The following YBX3 variants were observed in gnomAD, a reference collection of about 807,000 sequenced individuals.
YBX3 encodes Y-box-binding protein 3.
YBX3 carries 29 observed loss-of-function variants against 42.4 expected under a neutral mutation model. The ratio of observed to expected loss-of-function variants is 0.68; its 90% CI spans 0.51 to 0.93. The LOEUF (loss-of-function observed/expected upper bound fraction) is 0.93, where lower values mean the gene tolerates loss of function less well. YBX3 is among the 40% of genes least tolerant of loss of function. The pLI, the probability that YBX3 is intolerant of heterozygous loss-of-function variation, is 0.00. For synonymous variants in YBX3, 195 were observed against 189.8 expected (o/e 1.03, Z -0.22); for missense variants, 517 against 527.5 (o/e 0.98, Z 0.19).
chr12:10,713,118 G>A, intron 5 of YBX3, 93 bp downstream of exon 5: 2 of 1,362,160 alleles, frequency 1.5e-6, no homozygotes, highest in Non-Finnish European at 1.9e-6. Flanking sequence ...GTCTCCAGGA[G>A]AAGACAAGGC....
At chr12:10,705,329 G>GT (rs1565586567) in intron 6 of YBX3, among the ~76,000 whole-genome samples, 4 of 152,130 alleles carry the variant, frequency 2.6e-5, no homozygotes, top group Admixed American at 1.3e-4. Flanking sequence ...TCTTGACCTC[G>GT]TGATCTACCC....
At chr12:10,709,555 C>T (rs1948174529) in intron 6 of YBX3, among the ~76,000 whole-genome samples, 1 of 152,208 alleles carries the variant, frequency 6.6e-6, no homozygotes, top group African/African-American at 2.4e-5. Flanking sequence ...TTTCTCAAAA[C>T]CTCACAAATA....
At chr12:10,711,882 T>G (rs1020020443) in intron 5 of YBX3, 2 of 152,214 alleles carry the variant, frequency 1.3e-5, no homozygotes, top group African/African-American at 4.8e-5. Flanking sequence ...TGCTTTTGAA[T>G]TAACCTGGGA....
chr12:10,704,968 A>G (rs1333539364), intron 6 of YBX3, among the ~76,000 whole-genome samples: 1 of 152,260 alleles, frequency 6.6e-6, no homozygotes, highest in East Asian at 1.9e-4. Context: ...AAGTTACAGA[A>G]AAGTTAAATG....
At chr12:10,715,323 T>C (rs1948248152) in intron 4 of YBX3, among the ~76,000 whole-genome samples, 1 of 151,778 alleles carries the variant, frequency 6.6e-6, no homozygotes, top group Non-Finnish European at 1.5e-5. Context: ...CACAGGTGGA[T>C]CACCTAAGGT....
At position 10,713,246 on chromosome 12, in the gene YBX3, C is replaced by T. The variant is rs1352823015; in HGVS notation, c.538G>A (p.Gly180Ser). The T allele has an allele frequency of 1.2e-6, 2 of 1,613,844 alleles. No homozygotes were observed. The highest frequency in any genetic ancestry group is 2.7e-5 in the African/African-American group (2 of 74,872). ...GGGCCACGGCGCCTTCCATAGTAGC[C>T]ACGTCTGTAACGGCGCCGATCTGCA... ...YAADRRRYRRGYYGRRRGPPR... is the reference protein window; with the variant it reads ...YAADRRRYRRSYYGRRRGPPR... Residue 180 changes from glycine (G) to serine (S), a missense_variant, in exon 5 of 10, where the codon GGC (glycine) becomes AGC (serine). This residue lies in a region of YBX3 where 420 missense variants were observed against 408.5 expected (regional missense o/e 1.03). Transcript: ENST00000228251.
Position 10,701,239 on chromosome 12 carries a change from T to G in YBX3, c.*34+15A>C. The G allele has an allele frequency of 1.3e-6, 1 of 771,916 alleles. No homozygotes were observed. The highest frequency in any genetic ancestry group is 2.4e-6 in the Non-Finnish European group (1 of 416,024). The allele number at this position is 771,916 out of a possible 1,614,324, so 47.8% of individuals were successfully genotyped here. ...AGAAAATACCAACTCAAGACTGGGC[T>G]GCCCCAGCTCTTACCTGCCGATGGT... is the stretch of plus-strand genomic sequence containing the variant. On this transcript the variant is annotated intron_variant, in intron 9 of 9. Coordinates refer to ENST00000228251, the MANE Select transcript of YBX3 (RefSeq NM_003651.5).
chr12:10,703,818 A>T (rs1948107365), intron 7 of YBX3: 5 of 480,962 alleles, frequency 1.0e-5, no homozygotes, highest in Non-Finnish European at 1.9e-5. Flanking sequence ...ATTAATTTAC[A>T]TCTTATTATA....
Position 10,704,123 on chromosome 12 carries a change from TC to T in YBX3, c.805del (p.Asp269MetfsTer119). ...AAGTTGTGCTCCCTCTGGGACTCCA[TC>T]CTTCATCTCTCCAATCTCACCAGCC... ...IQAGEIGEMK[D>X]GVPEGAQLQG... On this transcript the variant is annotated frameshift_variant, in exon 7 of 10. Transcript: ENST00000228251. LOFTEE classifies it high-confidence loss of function. The T allele has an allele frequency of 6.2e-7, 1 of 1,614,192 alleles. No individual in the cohort carries two copies. Among genetic ancestry groups the T allele is most frequent in the Non-Finnish European group, 8.5e-7 (1 of 1,180,018 alleles).
chr12:10,723,119 C>T lies in YBX3; in HGVS notation c.-8G>A. ...CTCGCCCGCCTCACTCATGCCTCCT[C>T]CTCCTCTGCTCTCGCTCAGGCGCCT... On this transcript the variant is annotated 5_prime_UTR_variant, in exon 1 of 10. Coordinates refer to ENST00000228251, the MANE Select transcript of YBX3 (RefSeq NM_003651.5). 8.3e-7 allele frequency: 1 copy of T among 1,202,774 alleles called. No individual in the cohort carries two copies. The allele number at this position is 1,202,774 out of a possible 1,614,324, so 74.5% of individuals were successfully genotyped here.
intron 3 of YBX3, among the ~76,000 whole-genome samples, chr12:10,717,409 C>G (rs1948274962): frequency 6.6e-6 from 1 of 152,152 alleles, no homozygotes; most frequent in African/African-American, 2.4e-5. Flanking sequence ...CTTCTCTTAA[C>G]CTATTTTATA....
At chr12:10,718,315 T>TCCACATTG (rs1948286372) in intron 2 of YBX3, 194 bp from the exon 3 acceptor site, 1 of 503,350 alleles carries the variant, frequency 2.0e-6, no homozygotes, top group Non-Finnish European at 3.5e-6. Flanking sequence ...ACCTTCCTCC[T>TCCACATTG]CCACATTGCC....
At position 10,723,029 on chromosome 12, in the gene YBX3, T is replaced by G; in HGVS notation, c.83A>C (p.Gln28Pro). 8.3e-7 allele frequency: 1 copy of G among 1,204,344 alleles called. No homozygotes were observed. The highest frequency in any genetic ancestry group is 4.1e-5 in the South Asian group (1 of 24,308). The allele number at this position is 1,204,344 out of a possible 1,614,324, so 74.6% of individuals were successfully genotyped here. Residue 28 changes from glutamine (Q) to proline (P), a missense_variant, in exon 1 of 10, where the codon CAG (glutamine) becomes CCG (proline). Transcript: ENST00000228251. Reference sequence around the variant, plus strand: ...CACCGGGCTCTTGGGCGCGGGGTCCTGGGGAGCCGCGGCGGCCGCCTCCGT... The same window carrying G: ...CACCGGGCTCTTGGGCGCGGGGTCCGGGGGAGCCGCGGCGGCCGCCTCCGT... ...APTEAAAAAP[Q>P]DPAPKSPVGS...
At chr12:10,718,876 T>G (rs1201486545) in intron 2 of YBX3, among the ~76,000 whole-genome samples, 2 of 152,222 alleles carry the variant, frequency 1.3e-5, no homozygotes, top group African/African-American at 4.8e-5. Context: ...TGACTAGATT[T>G]TATGAAATAA....
rs1478356604 is a variant in YBX3 at position 10,723,230 on chromosome 12, C to T, written c.-119G>A. The T allele has an allele frequency of 1.7e-6, 2 of 1,167,724 alleles. No homozygotes were observed. Among genetic ancestry groups the T allele is most frequent in the African/African-American group, 3.2e-5 (2 of 61,670 alleles). 72.3% of individuals were successfully genotyped at this position (1,167,724 alleles called of 1,614,324 possible). A position where few individuals can be genotyped will look rare whatever the true frequency, so the allele number is the denominator to read the frequency against. Reference sequence around the variant, plus strand: ...GGGGAGGCCGGGGCGGATCTCGCGGCGCAGGCGGCGGCGGCCGAGGTGGGG... The same window carrying T: ...GGGGAGGCCGGGGCGGATCTCGCGGTGCAGGCGGCGGCGGCCGAGGTGGGG... On this transcript the variant is annotated 5_prime_UTR_variant, in exon 1 of 10. Transcript: ENST00000228251.
intron 5 of YBX3, chr12:10,710,327 C>G (rs752811642): frequency 1.4e-6 from 2 of 1,434,050 alleles, no homozygotes; most frequent in Non-Finnish European, 1.8e-6. Context: ...GATAAAATAC[C>G]AAGAAGCAGA....
intron 4 of YBX3, among the ~76,000 whole-genome samples, chr12:10,715,301 T>C (rs1340149123): frequency 6.6e-6 from 1 of 151,690 alleles, no homozygotes; most frequent in Non-Finnish European, 1.5e-5. Context: ...TCCCAGTACT[T>C]TGGGAGGCTG....
At chr12:10,720,697 T>C (rs1190856627) in intron 1 of YBX3, 3 of 152,224 alleles carry the variant, frequency 2.0e-5, no homozygotes, top group Non-Finnish European at 2.9e-5. Flanking sequence ...CTGGAACTGT[T>C]TTTAATATCT....
In YBX3 at chr12:10,710,611, C is replaced by T. The variant is rs570582761; in HGVS notation, c.574-497G>A. ...TTTCTGAAAACTTCCAGGGGGTCAGCGAGGTCAAACTATTGCCATAATATT... is the reference window on the plus strand; with the variant it reads ...TTTCTGAAAACTTCCAGGGGGTCAGTGAGGTCAAACTATTGCCATAATATT... On this transcript the variant is annotated intron_variant, in intron 5 of 9. Coordinates refer to ENST00000228251, the MANE Select transcript of YBX3 (RefSeq NM_003651.5). 15 of 1,247,868 alleles carry T rather than the reference C, an allele frequency of 1.2e-5. No homozygotes were observed. In the East Asian group the frequency reaches 3.0e-4, roughly 25 times the overall value. The allele number at this position is 1,247,868 out of a possible 1,614,324, so 77.3% of individuals were successfully genotyped here. A position where few individuals can be genotyped will look rare whatever the true frequency, so the allele number is the denominator to read the frequency against.
Sources: gnomAD v4.1 joint callset for allele counts (sites outside exome capture counted in the v4.1 genomes callset) on GRCh38, gnomAD v4.1.1 for gene constraint, gnomAD v4.1.1 regional missense constraint, MANE v1.5 for transcripts, NCBI Gene and HGNC (gene_info 2026-07-23, HGNC 2026-07-21) for gene names.